GPR139: variants seen among roughly 807,000 people sequenced by gnomAD.
GPR139 encodes the protein G protein-coupled receptor 139.
In GPR139, 12 loss-of-function variants were observed where a neutral mutation model predicts 25.8. That is an observed-to-expected ratio of 0.47 (90% confidence interval 0.30 to 0.75). GPR139 has a LOEUF of 0.75. Ranked by LOEUF, GPR139 falls within the 30% of genes least tolerant of loss-of-function variation. GPR139 has a pLI of 0.07. For missense variants in GPR139, 380 were observed against 450.2 expected (o/e 0.84, Z 1.41); for synonymous variants, 184 against 179.9 (o/e 1.02, Z -0.18).
chr16:20,047,476 AG>A (rs2057358277), intron 1 of GPR139, among the ~76,000 whole-genome samples: 1 of 152,218 alleles, frequency 6.6e-6, no homozygotes, highest in South Asian at 2.1e-4. Context: ...AACTGCAACC[AG>A]TAACTATTGA....
At chr16:20,064,504 C>A (rs1275036493) in intron 1 of GPR139, among the ~76,000 whole-genome samples, 1 of 152,152 alleles carries the variant, frequency 6.6e-6, no homozygotes, top group Non-Finnish European at 1.5e-5. Flanking sequence ...CACTGCACTC[C>A]ACACTCCAGC....
chr16:20,029,417 T>G lies in GPR139; in HGVS notation c.*2318A>C, dbSNP rs1022242891. On this transcript the variant is annotated 3_prime_UTR_variant, in exon 2 of 2. Coordinates refer to ENST00000570682, the MANE Select transcript of GPR139 (RefSeq NM_001002911.4). ...GCTTAACCTTTGTAGATATTGCACTTTGACTCATTCATGTGTAGCTCAAAC... is the reference window on the plus strand; with the variant it reads ...GCTTAACCTTTGTAGATATTGCACTGTGACTCATTCATGTGTAGCTCAAAC... 1.3e-5 allele frequency among the ~76,000 whole-genome samples: 2 copies of G among 151,894 alleles called. No individual in the cohort carries two copies. The highest frequency in any genetic ancestry group is 2.9e-5 in the Non-Finnish European group (2 of 67,994).
intron 1 of GPR139, among the ~76,000 whole-genome samples, chr16:20,052,419 A>G (rs1418723472): frequency 6.6e-6 from 1 of 152,272 alleles, no homozygotes; most frequent in African/African-American, 2.4e-5. Flanking sequence ...TAGCAGAAGC[A>G]GCACTCATAG....
chr16:20,060,720 G>C (rs57163103), intron 1 of GPR139, among the ~76,000 whole-genome samples: 5,683 of 152,188 alleles, frequency 0.037, 353 homozygotes, highest in African/African-American at 0.13. Context: ...CTGGCCTCCT[G>C]TTTCACTCTG....
At chr16:20,071,583 G>T (rs1241820324) in intron 1 of GPR139, among the ~76,000 whole-genome samples, 1 of 152,170 alleles carries the variant, frequency 6.6e-6, no homozygotes, top group East Asian at 1.9e-4. Flanking sequence ...CCTAATCCTA[G>T]CTTCATCCTT....
At chr16:20,032,739 A>G (rs2057295637) in intron 1 of GPR139, 70 bp from the exon 2 acceptor site, 1 of 1,118,612 alleles carries the variant, frequency 8.9e-7, no homozygotes, top group Non-Finnish European at 1.3e-6. Context: ...TGGGGGCCCT[A>G]GGCATATGTT....
intron 1 of GPR139, among the ~76,000 whole-genome samples, chr16:20,065,750 G>A (rs924043287): frequency 7.2e-5 from 11 of 152,040 alleles, no homozygotes; most frequent in African/African-American, 2.7e-4. Context: ...GTGCATGGCT[G>A]TAATTCCAGC....
rs1596465012 is a variant in GPR139, at chr16:20,040,073, G to T, written c.128-7404C>A. On this transcript the variant is annotated intron_variant, in intron 1 of 1. Coordinates refer to ENST00000570682, the MANE Select transcript of GPR139 (RefSeq NM_001002911.4). The stretch of plus-strand genomic sequence containing the variant: ...TAGGCCATGTGTAGGGCCTCTGGTT[G>T]AAAGCCTCAGTGAAGCTCATGGCCA... Among the ~76,000 whole-genome samples, 3 of 152,284 alleles carry T rather than the reference G, an allele frequency of 2.0e-5. No homozygotes were observed. The South Asian group carries it at 6.2e-4, about 32-fold the overall frequency.
rs556978058 is a variant in GPR139 at position 20,031,004 on chromosome 16, C to T, written c.*731G>A. On this transcript the variant is annotated 3_prime_UTR_variant, in exon 2 of 2. Transcript: ENST00000570682. Reference sequence around the variant, plus strand: ...CTCGAGAATTCCTCCTTTCCCCCTGCGCACCAGGCAGGGTCTTTGTTTTGG... The same window carrying T: ...CTCGAGAATTCCTCCTTTCCCCCTGTGCACCAGGCAGGGTCTTTGTTTTGG... 5.9e-5 allele frequency among the ~76,000 whole-genome samples: 9 copies of T among 152,058 alleles called. No individual in the cohort carries two copies. The highest frequency in any genetic ancestry group is 8.8e-5 in the Non-Finnish European group (6 of 68,018).
intron 1 of GPR139, 74 bp from the exon 2 acceptor site, chr16:20,032,743 A>AC: frequency 1.8e-6 from 2 of 1,102,498 alleles, no homozygotes; most frequent in Non-Finnish European, 2.6e-6. Flanking sequence ...GGCCCTAGGC[A>AC]TATGTTTATT....
At position 20,030,896 on chromosome 16, in the gene GPR139, T is replaced by C. The variant is rs1356802040; in HGVS notation, c.*839A>G. On this transcript the variant is annotated 3_prime_UTR_variant, in exon 2 of 2. Transcript: ENST00000570682. ...AGTGATACCATAACAAGAAGCAATT[T>C]TGAGTAACGGGATCGTATGCAGCTG... Among the ~76,000 whole-genome samples, 1 of 152,174 alleles carries C rather than the reference T, an allele frequency of 6.6e-6. No homozygotes were observed. Among genetic ancestry groups the C allele is most frequent in the Admixed American group, 6.5e-5 (1 of 15,280 alleles).
rs1325560053 is a variant in GPR139, at chr16:20,029,149, C to T, written c.*2586G>A. Among the ~76,000 whole-genome samples, 1 of 152,104 alleles carries T rather than the reference C, an allele frequency of 6.6e-6. No individual in the cohort carries two copies. Among genetic ancestry groups the T allele is most frequent in the African/African-American group, 2.4e-5 (1 of 41,418 alleles). On this transcript the variant is annotated 3_prime_UTR_variant, in exon 2 of 2. Transcript: ENST00000570682. ...TACAGTGCCTTCAAGAATTGGACCT[C>T]TTTTAAATATCATGTAGCAAAATAT...
chr16:20,052,327 A>C (rs897162080), intron 1 of GPR139, among the ~76,000 whole-genome samples: 1 of 152,232 alleles, frequency 6.6e-6, no homozygotes, highest in Non-Finnish European at 1.5e-5. Flanking sequence ...ACCGTTTCCA[A>C]GACAGGACAG....
At chr16:20,033,656 T>A (rs2057299621) in intron 1 of GPR139, among the ~76,000 whole-genome samples, 1 of 152,142 alleles carries the variant, frequency 6.6e-6, no homozygotes, top group Admixed American at 6.6e-5. Context: ...AATTTAAAAG[T>A]AAATTACATT....
intron 1 of GPR139, among the ~76,000 whole-genome samples, chr16:20,045,333 T>A (rs2057350816): frequency 6.6e-6 from 1 of 152,010 alleles, no homozygotes; most frequent in Non-Finnish European, 1.5e-5. Flanking sequence ...TACGACATCA[T>A]GAGATAGCTA....
rs1161234334 is a variant in GPR139, at chr16:20,031,429, A to G, written c.*306T>C. On this transcript the variant is annotated 3_prime_UTR_variant, in exon 2 of 2. Coordinates refer to ENST00000570682, the MANE Select transcript of GPR139 (RefSeq NM_001002911.4). ...TGGTACCAGGGCGAAATCACAGACT[A>G]CTTCTCTACTTTGTGTCCTAACTGG... 4 of 366,630 alleles carry G rather than the reference A, an allele frequency of 1.1e-5. No individual in the cohort carries two copies. In the Admixed American group the frequency reaches 1.2e-4, roughly 11 times the overall value. The allele number at this position is 366,630 out of a possible 1,614,324, so 22.7% of individuals were successfully genotyped here.
rs949080050 is a variant in GPR139 at position 20,031,324 on chromosome 16, C to T, written c.*411G>A. Among the ~76,000 whole-genome samples, 3 of 152,122 alleles carry T rather than the reference C, an allele frequency of 2.0e-5. No individual in the cohort carries two copies. The highest frequency in any genetic ancestry group is 2.9e-5 in the Non-Finnish European group (2 of 68,022). ...GGAAGTGATGAATGACCTCAGCTCT[C>T]GGAAGAAGAGTGCAGGCTCAGCTAT... On this transcript the variant is annotated 3_prime_UTR_variant, in exon 2 of 2. Transcript: ENST00000570682.
At chr16:20,049,248 A>C (rs1337128280) in intron 1 of GPR139, among the ~76,000 whole-genome samples, 1 of 152,072 alleles carries the variant, frequency 6.6e-6, no homozygotes, top group Non-Finnish European at 1.5e-5. Flanking sequence ...AGATGGATGG[A>C]TGGACTCCCC....
chr16:20,064,735 A>T (rs1166053665), intron 1 of GPR139, among the ~76,000 whole-genome samples: 1 of 152,182 alleles, frequency 6.6e-6, no homozygotes, highest in Non-Finnish European at 1.5e-5. Context: ...AGGCTCCGAA[A>T]GGGTGAAGCC....
Sources: allele counts gnomAD v4.1 joint callset (sites outside exome capture counted in the v4.1 genomes callset), GRCh38; gene constraint gnomAD v4.1.1; transcripts MANE v1.5; gene names NCBI Gene and HGNC (gene_info 2026-07-23, HGNC 2026-07-21).